SMCHD1: variants seen among roughly 807,000 people sequenced by gnomAD.
SMCHD1 encodes the protein structural maintenance of chromosomes flexible hinge domain-containing protein 1.
SMCHD1 carries 78 observed loss-of-function variants against 254.7 expected under a neutral mutation model. That is an observed-to-expected ratio of 0.31 (90% confidence interval 0.26 to 0.37). The LOEUF (loss-of-function observed/expected upper bound fraction) is 0.37. Ranked by LOEUF, SMCHD1 falls within the 10% of genes least tolerant of loss-of-function variation. The pLI is 1.00. For missense variants in SMCHD1, 1,840 were observed against 2,408.1 expected (o/e 0.76, Z 4.94); for synonymous variants, 766 against 794.9 (o/e 0.96, Z 0.61).
intron 28 of SMCHD1, among the ~76,000 whole-genome samples, chr18:2,742,328 C>G (rs1483663002): frequency 3.3e-5 from 5 of 151,982 alleles, no homozygotes; most frequent in Non-Finnish European, 4.4e-5. Flanking sequence ...CTGTTTGTAC[C>G]CATCTACAAT....
At chr18:2,708,898 A>ATG (rs2074591721) in intron 17 of SMCHD1, among the ~76,000 whole-genome samples, 5 of 76,220 alleles carry the variant, frequency 6.6e-5, no homozygotes, top group African/African-American at 3.3e-4. Flanking sequence ...ATATATATAT[A>ATG]TATATATATA....
chr18:2,673,034 G>A, intron 3 of SMCHD1: 2 of 983,590 alleles, frequency 2.0e-6, no homozygotes, highest in Non-Finnish European at 2.4e-6. Context: ...ACTCCTTGAA[G>A]CCAGGAATCA....
intron 39 of SMCHD1, among the ~76,000 whole-genome samples, chr18:2,770,767 CAT>C (rs1219565315): frequency 6.6e-6 from 1 of 152,102 alleles, no homozygotes; most frequent in Non-Finnish European, 1.5e-5. Flanking sequence ...ATTACAGGCA[CAT>C]GCCACCACGC....
In SMCHD1 at chr18:2,661,698, G is replaced by A. The variant is rs567673475; in HGVS notation, c.187-4459G>A. ...TGGATACAATTAGATGGTCAGGAGC[G>A]ATAACCCGGTTGCCATTGTTTGAAG... On this transcript the variant is annotated intron_variant, in intron 1 of 47. Transcript: ENST00000320876. Among the ~76,000 whole-genome samples the A allele has an allele frequency of 6.0e-4, 92 of 152,276 alleles. 1 individual carries two copies. The South Asian group carries it at 0.017, about 28-fold the overall frequency.
chr18:2,715,603 A>G (rs546459683), intron 17 of SMCHD1, among the ~76,000 whole-genome samples: 16 of 152,334 alleles, frequency 1.1e-4, no homozygotes, highest in African/African-American at 3.4e-4. Flanking sequence ...GCTGATGCCT[A>G]TAATCCCAGG....
intron 24 of SMCHD1, among the ~76,000 whole-genome samples, chr18:2,731,766 C>T (rs1005225186): frequency 3.3e-5 from 5 of 152,178 alleles, no homozygotes; most frequent in Non-Finnish European, 7.4e-5. Flanking sequence ...AATCCCAGCA[C>T]TTTGGAAGAC....
intron 3 of SMCHD1, among the ~76,000 whole-genome samples, chr18:2,667,567 T>TA (rs2073474102): frequency 6.6e-6 from 1 of 152,208 alleles, no homozygotes; most frequent in Non-Finnish European, 1.5e-5. Flanking sequence ...TAATACTACT[T>TA]ACATGTTCAT....
intron 41 of SMCHD1, among the ~76,000 whole-genome samples, chr18:2,774,030 C>T (rs1568362206): frequency 6.6e-6 from 1 of 152,184 alleles, no homozygotes; most frequent in Non-Finnish European, 1.5e-5. Context: ...ATCGTGAATA[C>T]CTCAAGTAAC....
intron 34 of SMCHD1, among the ~76,000 whole-genome samples, chr18:2,753,311 TC>T: frequency 6.6e-6 from 1 of 152,382 alleles, no homozygotes; most frequent in South Asian, 2.1e-4. Flanking sequence ...ATAAATTCAT[TC>T]ATTTCCATTG....
At chr18:2,712,731 C>T (rs2074709169) in intron 17 of SMCHD1, among the ~76,000 whole-genome samples, 1 of 152,180 alleles carries the variant, frequency 6.6e-6, no homozygotes, top group Non-Finnish European at 1.5e-5. Context: ...AATGAAAAGT[C>T]CTCTTTCACT....
At chr18:2,658,020 T>C (rs1160588721) in intron 1 of SMCHD1, among the ~76,000 whole-genome samples, 1 of 152,076 alleles carries the variant, frequency 6.6e-6, no homozygotes, top group East Asian at 1.9e-4. Flanking sequence ...CTCGAGCTCC[T>C]GGGCTCAAGA....
rs1288659740 is a variant in SMCHD1 at position 2,804,063 on chromosome 18, T to C, written c.*1511T>C. ...AGGGATACTCACCCCGTACCAATAT[T>C]TGGAGTCCTTAGACATTAGATTATA... On this transcript the variant is annotated 3_prime_UTR_variant, in exon 48 of 48. Coordinates refer to ENST00000320876, the MANE Select transcript of SMCHD1 (RefSeq NM_015295.3). The C allele has an allele frequency of 6.6e-6, 1 of 152,206 alleles. No homozygotes were observed. Among genetic ancestry groups the C allele is most frequent in the Admixed American group, 6.5e-5 (1 of 15,278 alleles). The allele number at this position is 152,206 out of a possible 1,614,324, so 9.4% of individuals were successfully genotyped here.
intron 44 of SMCHD1, among the ~76,000 whole-genome samples, chr18:2,783,302 A>C (rs1382281860): frequency 1.3e-5 from 2 of 152,154 alleles, no homozygotes; most frequent in South Asian, 4.1e-4. Context: ...ACTTTTTAAC[A>C]CTTGTCCCAT....
At chr18:2,659,529 T>G (rs1186765979) in intron 1 of SMCHD1, among the ~76,000 whole-genome samples, 5 of 152,236 alleles carry the variant, frequency 3.3e-5, no homozygotes, top group Non-Finnish European at 7.3e-5. Context: ...TTGACTCACC[T>G]GAGCCCTTGT....
chr18:2,708,865 T>C (rs1160883023), intron 17 of SMCHD1, among the ~76,000 whole-genome samples: 1 of 71,256 alleles, frequency 1.4e-5, no homozygotes, highest in Non-Finnish European at 2.6e-5. Flanking sequence ...TTTCAATAAC[T>C]TCATATATAT....
intron 33 of SMCHD1, among the ~76,000 whole-genome samples, chr18:2,751,704 A>T (rs2075575336): frequency 6.6e-6 from 1 of 152,096 alleles, no homozygotes; most frequent in Non-Finnish European, 1.5e-5. Flanking sequence ...AATATAGAAA[A>T]TGAGATAGTA....
intron 10 of SMCHD1, among the ~76,000 whole-genome samples, 179 bp from the exon 11 acceptor site, chr18:2,700,360 T>C (rs2074374060): frequency 2.6e-5 from 4 of 152,238 alleles, no homozygotes; most frequent in Admixed American, 2.0e-4. Flanking sequence ...TATTGACTTC[T>C]AAATGACAGA....
At chr18:2,792,590 C>T (rs1475122804) in intron 45 of SMCHD1, among the ~76,000 whole-genome samples, 2 of 152,132 alleles carry the variant, frequency 1.3e-5, no homozygotes, top group Non-Finnish European at 2.9e-5. Context: ...TACTGTAATA[C>T]ATAGTTTGTA....
chr18:2,719,255 C>T (rs972911875), intron 19 of SMCHD1, among the ~76,000 whole-genome samples: 1 of 149,846 alleles, frequency 6.7e-6, no homozygotes, highest in Non-Finnish European at 1.5e-5. Flanking sequence ...CCTCTCTCCT[C>T]TCCTCTCCTC....
Sources: gnomAD v4.1 joint callset for allele counts (sites outside exome capture counted in the v4.1 genomes callset) on GRCh38, gnomAD v4.1.1 for gene constraint, MANE v1.5 for transcripts, NCBI Gene and HGNC (gene_info 2026-07-23, HGNC 2026-07-21) for gene names.